Variants in PRKN observed in about 807,000 individuals in gnomAD.
The protein encoded by PRKN is E3 ubiquitin-protein ligase parkin.
Under a neutral mutation model 59.5 loss-of-function variants are expected in PRKN, and 56 were observed. The observed-to-expected ratio is 0.94, with a 90% confidence interval of 0.76 to 1.18. The LOEUF is 1.18. PRKN is among the 50% of genes most tolerant of loss of function. The pLI is 0.00. For missense variants in PRKN, 657 were observed against 596.4 expected, an observed-to-expected ratio of 1.10 and a Z score of -1.06; for synonymous variants, 250 against 222.1, an observed-to-expected ratio of 1.13 and a Z score of -1.12.
At chr6:161,749,824 T>C (rs1323617926) in intron 7 of PRKN, among the ~76,000 whole-genome samples, 2 of 152,080 alleles carry the variant, frequency 1.3e-5, no homozygotes, top group Non-Finnish European at 2.9e-5. Context: ...TTGTACTCCG[T>C]TGCTCCCCAC....
intron 2 of PRKN, among the ~76,000 whole-genome samples, chr6:162,417,998 A>T (rs1343666005): frequency 6.6e-6 from 1 of 152,132 alleles, no homozygotes; most frequent in Non-Finnish European, 1.5e-5. Flanking sequence ...CGGCAATTCT[A>T]CTCTAGGTAT....
rs536068048 is a variant in PRKN, at chr6:162,065,566, T to G, written c.535-11392A>C. ...TTCTTTTCTTTTTCTTTTTTTTTTT[T>G]GGTCAATTTTTAAAAAAATTATATG... On this transcript the variant is annotated intron_variant, in intron 4 of 11. Coordinates refer to ENST00000366898, the MANE Select transcript of PRKN (RefSeq NM_004562.3). Among the ~76,000 whole-genome samples the G allele has an allele frequency of 4.6e-5, 7 of 151,764 alleles. No homozygotes were observed. The East Asian group carries it at 1.2e-3, about 25-fold the overall frequency.
rs1047907895 is a variant in PRKN at position 162,056,920 on chromosome 6, C to A, written c.535-2746G>T. Among the ~76,000 whole-genome samples the A allele has an allele frequency of 2.0e-5, 3 of 152,152 alleles. No homozygotes were observed. The highest frequency in any genetic ancestry group is 4.4e-5 in the Non-Finnish European group (3 of 68,044). ...GTGACCACTGGGGGAGGACTCAGAGCCTTGCCTGCGGTTTCCTCTAAACTC... is the reference window on the plus strand; with the variant it reads ...GTGACCACTGGGGGAGGACTCAGAGACTTGCCTGCGGTTTCCTCTAAACTC... On this transcript the variant is annotated intron_variant, in intron 4 of 11. Coordinates refer to ENST00000366898, the MANE Select transcript of PRKN (RefSeq NM_004562.3). This position sits in a 1 kb window ranked among gnomAD's most constrained non-coding sequence, Gnocchi z 4.9.
At chr6:162,278,591 T>C (rs1437484091) in intron 2 of PRKN, among the ~76,000 whole-genome samples, 1 of 151,932 alleles carries the variant, frequency 6.6e-6, no homozygotes, top group Non-Finnish European at 1.5e-5. Context: ...CTAAAACTGC[T>C]AAAAAATAAA....
intron 6 of PRKN, among the ~76,000 whole-genome samples, chr6:161,951,961 A>C (rs11965957): frequency 0.22 from 33,941 of 151,622 alleles, 4,491 homozygotes; most frequent in African/African-American, 0.37. Flanking sequence ...AAATGTTGGC[A>C]CCTCTCCAAT....
intron 6 of PRKN, among the ~76,000 whole-genome samples, chr6:161,861,623 A>G (rs1793905115): frequency 6.6e-6 from 1 of 152,024 alleles, no homozygotes; most frequent in South Asian, 2.1e-4. Context: ...ATTCAAAAAA[A>G]AAAAAAAAAA....
In PRKN at chr6:161,362,074, T is replaced by C. The variant is rs764671959; in HGVS notation, c.1168-1869A>G. On this transcript the variant is annotated intron_variant, in intron 10 of 11. Coordinates refer to ENST00000366898, the MANE Select transcript of PRKN (RefSeq NM_004562.3). The surrounding 1 kb of genome is among the most constrained non-coding windows in gnomAD (Gnocchi z 5.2). ...CTGCAGCAATGGTTTAGATTGCTTG[T>C]TGGTGGCAAGTTGGTAAGTCATACA... Among the ~76,000 whole-genome samples the C allele has an allele frequency of 1.6e-4, 24 of 152,302 alleles. No individual in the cohort carries two copies. The highest frequency in any genetic ancestry group is 2.9e-4 in the Non-Finnish European group (20 of 68,024).
At chr6:161,728,029 A>G (rs961731688) in intron 7 of PRKN, among the ~76,000 whole-genome samples, 3 of 152,134 alleles carry the variant, frequency 2.0e-5, no homozygotes, top group Non-Finnish European at 4.4e-5. Context: ...GCCCGTCATC[A>G]CCCATTTTCG....
intron 1 of PRKN, among the ~76,000 whole-genome samples, chr6:162,552,248 C>T (rs1779359214): frequency 6.6e-6 from 1 of 152,034 alleles, no homozygotes; most frequent in South Asian, 2.1e-4. Context: ...GCTATACTGG[C>T]CAGGAGAGTG....
chr6:161,487,315 G>C lies in PRKN; in HGVS notation c.1083+61539C>G, dbSNP rs1004804844. On this transcript the variant is annotated intron_variant, in intron 9 of 11. Transcript: ENST00000366898. The surrounding 1 kb of genome is among the most constrained non-coding windows in gnomAD (Gnocchi z 5.3). ...GGGCTGGGACTCCCAGCACTTGCCTGGTTCAGATCACACTACTGTCTCCTT... is the reference window on the plus strand; with the variant it reads ...GGGCTGGGACTCCCAGCACTTGCCTCGTTCAGATCACACTACTGTCTCCTT... Among the ~76,000 whole-genome samples, 1 of 152,164 alleles carries C rather than the reference G, an allele frequency of 6.6e-6. No homozygotes were observed. Among genetic ancestry groups the C allele is most frequent in the Non-Finnish European group, 1.5e-5 (1 of 68,034 alleles).
At chr6:161,350,708 T>A (rs1215971352) in intron 11 of PRKN, among the ~76,000 whole-genome samples, 1 of 760 alleles carries the variant, frequency 1.3e-3, no homozygotes, top group Non-Finnish European at 2.1e-3. Context: ...ATATTTAAAA[T>A]ATATATATTT....
At chr6:162,014,896 G>A (rs1385949898) in intron 5 of PRKN, among the ~76,000 whole-genome samples, 2 of 151,800 alleles carry the variant, frequency 1.3e-5, no homozygotes, top group African/African-American at 2.4e-5. Context: ...CAGCTGCATA[G>A]TACTCTATTG....
rs182162564 is a variant in PRKN, at chr6:161,529,283, C to T, written c.1083+19571G>A. Among the ~76,000 whole-genome samples the T allele has an allele frequency of 6.6e-6, 1 of 152,268 alleles. No homozygotes were observed. Among genetic ancestry groups the T allele is most frequent in the East Asian group, 1.9e-4 (1 of 5,180 alleles). Reference sequence around the variant, plus strand: ...AAGACAATGATGGGGATGATGTTGACACCTGGTTGTGGCTGACGGCTGTGT... The same window carrying T: ...AAGACAATGATGGGGATGATGTTGATACCTGGTTGTGGCTGACGGCTGTGT... On this transcript the variant is annotated intron_variant, in intron 9 of 11. Coordinates refer to ENST00000366898, the MANE Select transcript of PRKN (RefSeq NM_004562.3). The surrounding 1 kb of genome is among the most constrained non-coding windows in gnomAD (Gnocchi z 4.4).
At position 162,667,917 on chromosome 6, in the gene PRKN, T is replaced by C. The variant is rs577796024; in HGVS notation, c.7+59745A>G. On this transcript the variant is annotated intron_variant, in intron 1 of 11. Coordinates refer to ENST00000366898, the MANE Select transcript of PRKN (RefSeq NM_004562.3). Reference sequence around the variant, plus strand: ...AGCAGTTGGAACAGAACCTGGCACATAGTAAATACTCAATGAATGTTAGGA... The same window carrying C: ...AGCAGTTGGAACAGAACCTGGCACACAGTAAATACTCAATGAATGTTAGGA... 2.6e-5 allele frequency among the ~76,000 whole-genome samples: 4 copies of C among 152,262 alleles called. No homozygotes were observed. The South Asian group carries it at 8.3e-4, about 32-fold the overall frequency.
At chr6:161,571,558 A>G (rs1218129560) in intron 7 of PRKN, among the ~76,000 whole-genome samples, 2 of 152,246 alleles carry the variant, frequency 1.3e-5, no homozygotes, top group Non-Finnish European at 2.9e-5. Context: ...ATTTAAACCA[A>G]CAGAAGAAAA....
rs915209058 is a variant in PRKN, at chr6:162,536,089, C to T, written c.8-92616G>A. Among the ~76,000 whole-genome samples, 4 of 151,954 alleles carry T rather than the reference C, an allele frequency of 2.6e-5. No individual in the cohort carries two copies. In the South Asian group the frequency reaches 6.2e-4, roughly 24 times the overall value. On this transcript the variant is annotated intron_variant, in intron 1 of 11. Transcript: ENST00000366898. Reference sequence around the variant, plus strand: ...TTCCATGAAGATGGTAGGACTGTTCCCAAAGCTTTCTGCTTACAACTTAAG... The same window carrying T: ...TTCCATGAAGATGGTAGGACTGTTCTCAAAGCTTTCTGCTTACAACTTAAG...
At chr6:161,731,456 T>C (rs1787708459) in intron 7 of PRKN, among the ~76,000 whole-genome samples, 1 of 152,198 alleles carries the variant, frequency 6.6e-6, no homozygotes, top group Non-Finnish European at 1.5e-5. Flanking sequence ...ACATGTATCA[T>C]TAAATAAATT....
At chr6:161,494,162 G>C (rs1185355644) in intron 9 of PRKN, among the ~76,000 whole-genome samples, 1 of 152,074 alleles carries the variant, frequency 6.6e-6, no homozygotes, top group Non-Finnish European at 1.5e-5. Flanking sequence ...TTATTTGGCA[G>C]CTTTTAAAAA....
chr6:162,577,582 A>G (rs1215896179), intron 1 of PRKN, among the ~76,000 whole-genome samples: 1 of 151,806 alleles, frequency 6.6e-6, no homozygotes, highest in Non-Finnish European at 1.5e-5. Flanking sequence ...CCTAGGCAAC[A>G]GAGCAAGACT....
Sources: gnomAD v4.1 joint callset for allele counts (sites outside exome capture counted in the v4.1 genomes callset) on GRCh38, gnomAD v4.1.1 for gene constraint, Gnocchi (gnomAD v3.1) non-coding constraint, MANE v1.5 for transcripts, NCBI Gene and HGNC (gene_info 2026-07-23, HGNC 2026-07-21) for gene names.